The following FGD6 variants were observed in gnomAD, a reference collection of about 807,000 sequenced individuals.
FGD6 encodes FYVE, RhoGEF and PH domain containing 6, also known as FYVE, RhoGEF and PH domain-containing protein 6.
A neutral mutation model predicts 149.4 loss-of-function variants in FGD6; 90 were observed. The observed-to-expected ratio is 0.60, with a 90% CI of 0.51 to 0.72. The LOEUF is 0.72. FGD6 is among the 30% of genes least tolerant of loss of function. The pLI, the probability that FGD6 is intolerant of heterozygous loss-of-function variation, is 0.00. For missense variants in FGD6, 1,437 were observed against 1,684.8 expected (o/e 0.85, Z 2.57); for synonymous variants, 527 against 584.0 (o/e 0.90, Z 1.41).
In FGD6 at chr12:95,141,516, A is replaced by G; in HGVS notation, c.2709T>C (p.His903=). 1 of 1,614,170 alleles carries G rather than the reference A, an allele frequency of 6.2e-7. No homozygotes were observed. ...CTGGTTTCCCAAGTTGCCTGGAAGC[A>G]TGAGCTACTGCATCCCGGAAATCCT... ...LHIDFRDAVA[H]ASRQLGKPVI... Residue 903 remains histidine (H), a synonymous_variant, in exon 6 of 21, where the codon CAT becomes CAC. Coordinates refer to ENST00000343958, the MANE Select transcript of FGD6 (RefSeq NM_018351.4).
intron 3 of FGD6, among the ~76,000 whole-genome samples, chr12:95,155,756 A>G (rs555427318): frequency 2.4e-4 from 36 of 152,308 alleles, no homozygotes; most frequent in African/African-American, 7.7e-4. Context: ...ACACCCACTT[A>G]AAATAGGGAT....
chr12:95,086,682 G>A (rs1484358687), intron 18 of FGD6, among the ~76,000 whole-genome samples: 1 of 149,794 alleles, frequency 6.7e-6, no homozygotes, highest in Non-Finnish European at 1.5e-5. Flanking sequence ...TGGGACTACA[G>A]GCGCCTGCCA....
chr12:95,185,302 A>G (rs1345032072), intron 2 of FGD6, among the ~76,000 whole-genome samples: 2 of 152,236 alleles, frequency 1.3e-5, no homozygotes, highest in South Asian at 2.1e-4. Context: ...AACTCAGATT[A>G]CATCTTCGAA....
At chr12:95,086,012 A>AAAAT (rs1877852807) in intron 18 of FGD6, 104 bp from the exon 19 acceptor site, 1 of 1,088,338 alleles carries the variant, frequency 9.2e-7, no homozygotes, top group African/African-American at 1.6e-5. Flanking sequence ...GTAATGATAG[A>AAAAT]ATGTTTCAGA....
intron 3 of FGD6, among the ~76,000 whole-genome samples, chr12:95,168,978 A>G (rs1592861274): frequency 6.6e-6 from 1 of 152,228 alleles, no homozygotes; most frequent in East Asian, 1.9e-4. Flanking sequence ...AGATGGATTA[A>G]CAAGTGTCTG....
chr12:95,125,921 C>A, intron 8 of FGD6: 1 of 1,440,532 alleles, frequency 6.9e-7, no homozygotes, highest in Non-Finnish European at 9.8e-7. Flanking sequence ...CTTTCAAGTA[C>A]ATGCAGCTCA....
Position 95,209,763 on chromosome 12 carries a change from T to C in FGD6, c.1521A>G (p.Thr507=). 2 of 1,613,958 alleles carry C rather than the reference T, an allele frequency of 1.2e-6. No homozygotes were observed. The highest frequency in any genetic ancestry group is 1.7e-6 in the Non-Finnish European group (2 of 1,179,996). The change falls in exon 2 of 21, where the codon ACA becomes ACG. Residue 507 remains threonine (T), a synonymous_variant. Coordinates refer to ENST00000343958, the MANE Select transcript of FGD6 (RefSeq NM_018351.4). ...CGGAGGCAGCCTTTTTAAGCACTCCTGTAGCAGGCAAGCTATGTCTTTGAG... is the reference window on the plus strand; with the variant it reads ...CGGAGGCAGCCTTTTTAAGCACTCCCGTAGCAGGCAAGCTATGTCTTTGAG... The part of the protein sequence containing the change: ...KKPQRHSLPA[T]GVLKKAASEE...
chr12:95,188,723 C>T (rs529031482), intron 2 of FGD6, among the ~76,000 whole-genome samples: 42 of 151,976 alleles, frequency 2.8e-4, no homozygotes, highest in African/African-American at 9.4e-4. Flanking sequence ...TAAACAAATA[C>T]GTAAAGAACT....
chr12:95,149,227 C>CATATATATT (rs1880189276), intron 5 of FGD6, among the ~76,000 whole-genome samples: 3 of 22,244 alleles, frequency 1.3e-4, no homozygotes, highest in Non-Finnish European at 1.4e-4. Flanking sequence ...TAATATATAG[C>CATATATATT]ATATATATTA....
At chr12:95,115,005 T>C (rs1342980342) in intron 8 of FGD6, among the ~76,000 whole-genome samples, 1 of 152,234 alleles carries the variant, frequency 6.6e-6, no homozygotes, top group Non-Finnish European at 1.5e-5. Context: ...CTACTCACAC[T>C]CTTCAAGGCT....
At chr12:95,093,445 C>T (rs1014871683) in intron 15 of FGD6, among the ~76,000 whole-genome samples, 4 of 151,926 alleles carry the variant, frequency 2.6e-5, no homozygotes, top group Non-Finnish European at 4.4e-5. Flanking sequence ...TTTGGGAGGC[C>T]GAGGCGGGTG....
chr12:95,101,012 G>T (rs1878410766), intron 14 of FGD6: 1 of 323,500 alleles, frequency 3.1e-6, no homozygotes, highest in South Asian at 3.3e-5. Flanking sequence ...GCGGAAGAGA[G>T]GTTGCCACCT....
intron 2 of FGD6, among the ~76,000 whole-genome samples, chr12:95,185,226 C>T (rs1183353490): frequency 1.3e-5 from 2 of 152,138 alleles, no homozygotes; most frequent in Non-Finnish European, 2.9e-5. Context: ...ACATTGCTGA[C>T]TAGTTCTGTG....
chr12:95,134,820 G>C lies in FGD6; in HGVS notation c.3001C>G (p.Pro1001Ala). Residue 1001 changes from proline to alanine, a missense_variant, in exon 8 of 21, where the codon CCT (proline) becomes GCT (alanine). By Grantham distance (27) the Pro-to-Ala change is conservative (BLOSUM62 -1). Around this residue, in one of 2 missense-constraint regions of FGD6, gnomAD observed 382 missense variants for 538.7 expected, o/e 0.71. Coordinates refer to ENST00000343958, the MANE Select transcript of FGD6 (RefSeq NM_018351.4). ...AAVVREFEMSPRCANLALKHY... is the reference protein window; with the variant it reads ...AAVVREFEMSARCANLALKHY... ...TTGAGGGCCAGATTAGCACAGCGAG[G>C]GCTCATCTGAAAGGAGAAGGCATCT... 1 of 1,612,288 alleles carries C rather than the reference G, an allele frequency of 6.2e-7. No homozygotes were observed. The highest frequency in any genetic ancestry group is 1.1e-5 in the South Asian group (1 of 90,692).
intron 9 of FGD6, among the ~76,000 whole-genome samples, chr12:95,111,053 G>T (rs953922395): frequency 6.6e-6 from 1 of 152,038 alleles, no homozygotes; most frequent in Non-Finnish European, 1.5e-5. Context: ...CGGGATCTCG[G>T]CTTACTACAA....
In FGD6 at chr12:95,217,224, C is replaced by G. The variant is rs776451150; in HGVS notation, c.16+1G>C. On this transcript the variant is annotated splice_donor_variant, in intron 1 of 20. Transcript: ENST00000343958. LOFTEE classifies it high-confidence loss of function. ...GCGGCAGCGCGAGCGCCGTCACTTA[C>G]CGGCTGCAGAAGTCATGATTCCCCG... 3.1e-6 allele frequency: 5 copies of G among 1,612,224 alleles called. No individual in the cohort carries two copies. In the Admixed American group the frequency reaches 6.7e-5, roughly 22 times the overall value.
intron 2 of FGD6, among the ~76,000 whole-genome samples, chr12:95,179,938 C>T (rs1383089743): frequency 1.3e-5 from 2 of 151,964 alleles, no homozygotes; most frequent in Non-Finnish European, 2.9e-5. Flanking sequence ...ATTAGCCAGG[C>T]GTGGTGGCAC....
Position 95,207,880 on chromosome 12 carries a change from G to A in FGD6, c.2441+963C>T, listed in dbSNP as rs140547561. Among the ~76,000 whole-genome samples the A allele has an allele frequency of 3.8e-3, 574 of 152,300 alleles. 2 individuals carry two copies. Among genetic ancestry groups the A allele is most frequent in the Middle Eastern group, 0.031 (9 of 294 alleles). ...CTTAATGAAGCCAAAGACTGAGGGGGTGGATTATTGAGGATGGGCACGATT... is the reference window on the plus strand; with the variant it reads ...CTTAATGAAGCCAAAGACTGAGGGGATGGATTATTGAGGATGGGCACGATT... On this transcript the variant is annotated intron_variant, in intron 2 of 20. Coordinates refer to ENST00000343958, the MANE Select transcript of FGD6 (RefSeq NM_018351.4).
chr12:95,100,962 G>A, intron 14 of FGD6: 1 of 370,406 alleles, frequency 2.7e-6, no homozygotes. Flanking sequence ...GCAGGAACTT[G>A]GATGAGATTC....
Sources: allele counts gnomAD v4.1 joint callset (sites outside exome capture counted in the v4.1 genomes callset), GRCh38; gene constraint gnomAD v4.1.1; regional missense constraint gnomAD v4.1.1; transcripts MANE v1.5; gene names NCBI Gene and HGNC (gene_info 2026-07-23, HGNC 2026-07-21).